Variants in SETDB1 observed in about 807,000 individuals in gnomAD.
SETDB1 encodes the protein histone-lysine N-methyltransferase SETDB1.
SETDB1 carries 31 observed loss-of-function variants against 137.4 expected under a neutral mutation model. That is an observed-to-expected ratio of 0.23 (90% CI 0.17 to 0.30). The LOEUF (loss-of-function observed/expected upper bound fraction) is 0.30. Among genes scored for constraint, SETDB1 ranks in the 10% least tolerant of loss-of-function variants. The probability of loss-of-function intolerance (pLI) is 1.00; values close to 1 mark genes in which losing one functional copy is unlikely to be tolerated. For missense variants in SETDB1, 1,113 were observed against 1,631.5 expected (o/e 0.68, Z 5.47); for synonymous variants, 548 against 579.9 (o/e 0.95, Z 0.79).
At chr1:150,944,891 C>T in intron 8 of SETDB1, 27 bp from the exon 9 acceptor site, 2 of 1,612,616 alleles carry the variant, frequency 1.2e-6, no homozygotes, top group Non-Finnish European at 1.7e-6. Context: ...TACCTGCCCT[C>T]TCAGTTCTAC....
intron 3 of SETDB1, among the ~76,000 whole-genome samples, chr1:150,931,739 A>C: frequency 6.7e-6 from 1 of 148,510 alleles, no homozygotes; most frequent in East Asian, 1.9e-4. Flanking sequence ...AAAAAAAAAA[A>C]AAAAAAACAG....
intron 3 of SETDB1, 140 bp downstream of exon 3, chr1:150,930,258 G>GA: frequency 2.9e-6 from 2 of 686,066 alleles, no homozygotes; most frequent in Non-Finnish European, 4.8e-6. Flanking sequence ...GGCTATTAAA[G>GA]AAAAAAATGC....
intron 10 of SETDB1, among the ~76,000 whole-genome samples, chr1:150,947,635 G>A (rs922181843): frequency 6.6e-6 from 1 of 152,086 alleles, no homozygotes; most frequent in Admixed American, 6.6e-5. Flanking sequence ...AATTAGCTGG[G>A]TACAGTGGCA....
chr1:150,927,909 G>A lies in SETDB1; in HGVS notation c.195G>A (p.Glu65=), dbSNP rs1386733591. ...GCAAGAAGCAGCTAGCAGAGTTAGA[G>A]ACATGGGTAATACAGAAAGAATCTG... is the stretch of plus-strand genomic sequence containing the variant. ...QQRKKQLAEL[E]TWVIQKESEV... is the part of the protein sequence containing the mutation. The change falls in exon 2 of 22, where the codon GAG becomes GAA. Residue 65 remains glutamate, a synonymous_variant. Coordinates refer to ENST00000692827, the MANE Select transcript of SETDB1 (RefSeq NM_001366418.1). 4.3e-6 allele frequency: 7 copies of A among 1,614,118 alleles called. No homozygotes were observed. In the East Asian group the frequency reaches 1.6e-4, roughly 36 times the overall value.
intron 5 of SETDB1, among the ~76,000 whole-genome samples, chr1:150,942,268 G>A (rs1235888169): frequency 2.0e-5 from 3 of 151,608 alleles, no homozygotes; most frequent in South Asian, 4.2e-4. Flanking sequence ...GTGAAACCCC[G>A]TCTCTACTAA....
intron 17 of SETDB1, 91 bp downstream of exon 17, chr1:150,962,249 A>C (rs1571664105): frequency 8.8e-7 from 1 of 1,136,652 alleles, no homozygotes; most frequent in Non-Finnish European, 1.3e-6. Flanking sequence ...GCTCATTGCA[A>C]CCTCCCCCTC....
chr1:150,962,847 T>C (rs768292245), intron 18 of SETDB1, 127 bp from the exon 19 acceptor site: 4 of 1,452,950 alleles, frequency 2.8e-6, no homozygotes, highest in South Asian at 1.3e-5. Flanking sequence ...CTGCCTTATT[T>C]TCTTTCATCC....
Position 150,942,680 on chromosome 1 carries a change from A to G in SETDB1, c.665A>G (p.Gln222Arg). Reference protein sequence around the residue: ...TWHKGTLIAIQTVGPGKKYKV... With the variant: ...TWHKGTLIAIRTVGPGKKYKV... ...CACAAAGGCACCCTTATTGCCATCC[A>G]GACAGTTGGTATGTGCAAACTTGGA... The change falls in exon 6 of 22, where the codon CAG becomes CGG. Residue 222 changes from glutamine to arginine, a missense_variant. Gln to Arg is a conservative substitution (Grantham distance 43, BLOSUM62 1). This residue lies in a region of SETDB1 where 154 missense variants were observed against 303.1 expected (regional missense o/e 0.51). Coordinates refer to ENST00000692827, the MANE Select transcript of SETDB1 (RefSeq NM_001366418.1). 1 of 1,612,512 alleles carries G rather than the reference A, an allele frequency of 6.2e-7. No homozygotes were observed. The highest frequency in any genetic ancestry group is 8.5e-7 in the Non-Finnish European group (1 of 1,179,384).
rs1341626425 is a variant in SETDB1, at chr1:150,949,614, A to G, written c.1583+89A>G. 5.0e-6 allele frequency: 6 copies of G among 1,195,116 alleles called. No individual in the cohort carries two copies. In the East Asian group the frequency reaches 1.4e-4, roughly 28 times the overall value. 74.0% of individuals were successfully genotyped at this position (1,195,116 alleles called of 1,614,324 possible). On this transcript the variant is annotated intron_variant, in intron 12 of 21. Coordinates refer to ENST00000692827, the MANE Select transcript of SETDB1 (RefSeq NM_001366418.1). ...TTCCTTGGCTGTAAGCGAAGGGCTTAGTTTAAGCTTATGATAGTGAGGAGT... is the reference window on the plus strand; with the variant it reads ...TTCCTTGGCTGTAAGCGAAGGGCTTGGTTTAAGCTTATGATAGTGAGGAGT...
rs142077867 is a variant in SETDB1, at chr1:150,943,993, C to T, written c.949C>T (p.Leu317=). 554 of 1,604,084 alleles carry T rather than the reference C, an allele frequency of 3.5e-4. 1 individual carries two copies. In the African/African-American group the frequency reaches 5.9e-3, roughly 17 times the overall value. The change falls in exon 8 of 22, where the codon CTG becomes TTG. Residue 317 remains leucine, a splice_region_variant and synonymous_variant. Coordinates refer to ENST00000692827, the MANE Select transcript of SETDB1 (RefSeq NM_001366418.1). ...GGAACTGTATCCCATTTGCCGGCCA[C>T]GTGAGTGTTTCTCCCTTATTCCTTA... ...QSELYPICRP[L]KKTWEDIEDI...
At chr1:150,959,143 A>C in intron 14 of SETDB1, 35 bp from the exon 15 acceptor site, 1 of 1,483,646 alleles carries the variant, frequency 6.7e-7, no homozygotes, top group Non-Finnish European at 9.0e-7. Context: ...TCTAGTGATC[A>C]TACCGTGATT....
intron 3 of SETDB1, among the ~76,000 whole-genome samples, chr1:150,935,991 C>G (rs998658631): frequency 6.6e-6 from 1 of 151,928 alleles, no homozygotes; most frequent in Admixed American, 6.6e-5. Flanking sequence ...CCTAGTTATT[C>G]TTTTCTTTTT....
intron 10 of SETDB1, among the ~76,000 whole-genome samples, chr1:150,947,225 T>C (rs1023295014): frequency 2.6e-5 from 4 of 152,178 alleles, no homozygotes; most frequent in Non-Finnish European, 4.4e-5. Flanking sequence ...CACATAAAAA[T>C]CTGAAACAGT....
In SETDB1 at chr1:150,949,465, C is replaced by T. The variant is rs747063414; in HGVS notation, c.1523C>T (p.Thr508Ile). ...GTGGGCTCTGGTCATTCCTCCCCTA[C>T]ATCTCCTGCACTCAGTGAAAATGTC... ...GSVGSGHSSP[T>I]SPALSENVSG... The change falls in exon 12 of 22, where the codon ACA becomes ATA. Residue 508 changes from threonine to isoleucine, a missense_variant. Thr to Ile is a moderately conservative substitution (Grantham distance 89). Around this residue, in one of 11 missense-constraint regions of SETDB1, gnomAD observed 192 missense variants for 198.1 expected, o/e 0.97. Coordinates refer to ENST00000692827, the MANE Select transcript of SETDB1 (RefSeq NM_001366418.1). The T allele has an allele frequency of 3.1e-6, 5 of 1,614,110 alleles. No individual in the cohort carries two copies. The Middle Eastern group carries it at 4.9e-4, about 160-fold the overall frequency.
intron 3 of SETDB1, among the ~76,000 whole-genome samples, chr1:150,939,420 C>T (rs587731404): frequency 2.6e-5 from 4 of 152,068 alleles, no homozygotes; most frequent in African/African-American, 9.6e-5. Flanking sequence ...CTCTGCCTCC[C>T]GGATTCCAGC....
intron 14 of SETDB1, 117 bp downstream of exon 14, chr1:150,951,598 G>C: frequency 1.8e-6 from 1 of 568,654 alleles, no homozygotes; most frequent in Non-Finnish European, 3.2e-6. Flanking sequence ...TAGAATACCA[G>C]ATGAGGCATT....
chr1:150,935,096 C>T (rs1669905422), intron 3 of SETDB1, among the ~76,000 whole-genome samples: 1 of 152,244 alleles, frequency 6.6e-6, no homozygotes, highest in Non-Finnish European at 1.5e-5. Context: ...ACTGGGATTA[C>T]AGGCGTGAGC....
At chr1:150,936,013 G>T (rs772868923) in intron 3 of SETDB1, among the ~76,000 whole-genome samples, 1 of 152,126 alleles carries the variant, frequency 6.6e-6, no homozygotes, top group Non-Finnish European at 1.5e-5. Context: ...TTGAGACGGA[G>T]TCTCGCTCTG....
At chr1:150,936,198 C>T (rs934454892) in intron 3 of SETDB1, among the ~76,000 whole-genome samples, 7 of 152,088 alleles carry the variant, frequency 4.6e-5, no homozygotes, top group African/African-American at 1.7e-4. Flanking sequence ...ACCATGTTAG[C>T]CAGGATGGTC....
Sources: allele counts gnomAD v4.1 joint callset (sites outside exome capture counted in the v4.1 genomes callset), GRCh38; gene constraint gnomAD v4.1.1; regional missense constraint gnomAD v4.1.1; transcripts MANE v1.5; gene names NCBI Gene and HGNC (gene_info 2026-07-23, HGNC 2026-07-21).